ADPRHL1: variants seen among roughly 807,000 people sequenced by gnomAD.
ADPRHL1 encodes the protein inactive ADP-ribosyltransferase ARH2.
ADPRHL1 carries 43 observed loss-of-function variants against 44.1 expected under a neutral mutation model. The ratio of observed to expected loss-of-function variants is 0.98; its 90% CI spans 0.76 to 1.26. ADPRHL1 has a LOEUF of 1.26. Ranked by LOEUF, ADPRHL1 falls within the 50% of genes most tolerant of loss-of-function variation. ADPRHL1 has a pLI of 0.00. For missense variants in ADPRHL1, 2,022 were observed against 2,496.9 expected (o/e 0.81, Z 4.05); for synonymous variants, 878 against 1,017.4 (o/e 0.86, Z 2.61).
intron 7 of ADPRHL1, among the ~76,000 whole-genome samples, chr13:113,421,584 C>A (rs938268858): frequency 5.9e-5 from 9 of 152,250 alleles, no homozygotes; most frequent in South Asian, 4.1e-4. Flanking sequence ...AAGTGGTTGG[C>A]GGGGCTGGCC....
chr13:113,423,530 A>T (rs1048586668), intron 6 of ADPRHL1, among the ~76,000 whole-genome samples: 1 of 152,194 alleles, frequency 6.6e-6, no homozygotes, highest in Non-Finnish European at 1.5e-5. Context: ...TTCCCAGCTC[A>T]TGTCTGTGGT....
At chr13:113,433,676 A>C in intron 3 of ADPRHL1, 66 bp downstream of exon 3, 3 of 1,379,734 alleles carry the variant, frequency 2.2e-6, no homozygotes, top group Non-Finnish European at 9.6e-7. Flanking sequence ...TTAACCTGTG[A>C]GGTGGTTGTG....
chr13:113,424,499 G>T, intron 5 of ADPRHL1, 150 bp from the exon 6 acceptor site: 1 of 1,101,708 alleles, frequency 9.1e-7, no homozygotes, highest in Non-Finnish European at 1.3e-6. Flanking sequence ...CTGTCCCCCA[G>T]GTTGGAGTGC....
At position 113,409,875 on chromosome 13, in the gene ADPRHL1, C is replaced by T. The variant is rs370804433; in HGVS notation, c.1062-1655G>A. 2,921 of 898,864 alleles carry T rather than the reference C, an allele frequency of 3.2e-3. 20 individuals are homozygous for T. In the South Asian group the frequency reaches 0.037, roughly 11 times the overall value. 55.7% of individuals were successfully genotyped at this position (898,864 alleles called of 1,614,324 possible). On this transcript the variant is annotated intron_variant, in intron 7 of 7. Coordinates refer to ENST00000612156, the MANE Select transcript of ADPRHL1 (RefSeq NM_001394807.1). This position sits in a 1 kb window ranked among gnomAD's most constrained non-coding sequence, Gnocchi z 4.2. ...CTGCACTCCAGCCTGAGCGACAGAG[C>T]GAGACTCCGTCTCAAAAAAAAAAAA... is the stretch of plus-strand genomic sequence containing the variant.
chr13:113,449,958 A>G (rs770483172), intron 1 of ADPRHL1, among the ~76,000 whole-genome samples: 1 of 152,126 alleles, frequency 6.6e-6, no homozygotes. Flanking sequence ...CTGTATGTCA[A>G]TTTTTTCTCC....
chr13:113,429,558 T>C (rs1186874319), intron 3 of ADPRHL1, among the ~76,000 whole-genome samples: 1 of 152,264 alleles, frequency 6.6e-6, no homozygotes. Context: ...TTGCCCGTCA[T>C]CTGTGTGTGG....
In ADPRHL1 at chr13:113,412,695, C is replaced by T. The variant is rs112934265; in HGVS notation, c.1062-4475G>A. On this transcript the variant is annotated intron_variant, in intron 7 of 7. Transcript: ENST00000612156. ...CCCCGTGGAGGCTCGGTTCACCCAC[C>T]GCCAACAGTGCCCCGGAGGCTCAGT... Among the ~76,000 whole-genome samples the T allele has an allele frequency of 4.6e-3, 698 of 151,210 alleles. 7 individuals carry two copies. Among genetic ancestry groups the T allele is most frequent in the African/African-American group, 0.016 (657 of 41,140 alleles).
intron 2 of ADPRHL1, among the ~76,000 whole-genome samples, chr13:113,435,110 G>A (rs2044040921): frequency 7.4e-6 from 1 of 134,696 alleles, no homozygotes; most frequent in Non-Finnish European, 1.6e-5. Context: ...GCACCCAGGT[G>A]TAGAGTGAAC....
In ADPRHL1 at chr13:113,444,526, T is replaced by C; in HGVS notation, c.278A>G (p.Lys93Arg). 2 of 1,614,214 alleles carry C rather than the reference T, an allele frequency of 1.2e-6. No individual in the cohort carries two copies. Among genetic ancestry groups the C allele is most frequent in the East Asian group, 2.2e-5 (1 of 44,890 alleles). The change falls in exon 2 of 8, where the codon AAG becomes AGG. Residue 93 changes from lysine to arginine, a missense_variant. Transcript: ENST00000612156. Reference protein sequence around the residue: ...MVRCYVEIVEKLPERRPDPAT... With the variant: ...MVRCYVEIVERLPERRPDPAT... ...TGGGTCTGGCCGGCGTTCTGGAAGCTTCTCAACGATTTCCACATAGCATCT... is the reference window on the plus strand; with the variant it reads ...TGGGTCTGGCCGGCGTTCTGGAAGCCTCTCAACGATTTCCACATAGCATCT...
chr13:113,423,636 G>T (rs1308881374), intron 6 of ADPRHL1, among the ~76,000 whole-genome samples: 1 of 152,244 alleles, frequency 6.6e-6, no homozygotes, highest in Admixed American at 6.5e-5. Flanking sequence ...TTGACCTTAC[G>T]GGTAGGAGCT....
At chr13:113,424,828 CTGT>C (rs2043955581) in intron 5 of ADPRHL1, among the ~76,000 whole-genome samples, 2 of 121,174 alleles carry the variant, frequency 1.7e-5, no homozygotes, top group Non-Finnish European at 3.5e-5. Context: ...ATCCATTCAC[CTGT>C]CCACCCATCC....
At chr13:113,410,848 G>A (rs564547292) in intron 7 of ADPRHL1, among the ~76,000 whole-genome samples, 13 of 152,342 alleles carry the variant, frequency 8.5e-5, no homozygotes, top group African/African-American at 2.9e-4. Flanking sequence ...AAGGGTCAGC[G>A]GCCCTACCTG....
chr13:113,418,321 T>C (rs2043897297), intron 7 of ADPRHL1, among the ~76,000 whole-genome samples: 1 of 152,170 alleles, frequency 6.6e-6, no homozygotes, highest in Admixed American at 6.5e-5. Context: ...TGCAGCAGCA[T>C]GGTTCTCGGT....
intron 7 of ADPRHL1, among the ~76,000 whole-genome samples, chr13:113,414,388 C>G (rs1032036304): frequency 1.3e-4 from 19 of 151,532 alleles, no homozygotes; most frequent in South Asian, 4.2e-4. Context: ...GCCGCCCCCC[C>G]TTCCTCCCCT....
intron 1 of ADPRHL1, among the ~76,000 whole-genome samples, chr13:113,445,969 A>AGAGCACGCGC (rs2044133683): frequency 6.6e-6 from 1 of 151,310 alleles, no homozygotes; most frequent in African/African-American, 2.4e-5. Context: ...ACCCCTGGAG[A>AGAGCACGCGC]GAGTGCACAG....
At chr13:113,444,393 G>A in intron 2 of ADPRHL1, 32 bp downstream of exon 2, 1 of 1,607,390 alleles carries the variant, frequency 6.2e-7, no homozygotes, top group Non-Finnish European at 8.5e-7. Context: ...CAGCAGGGTG[G>A]CTTTAGGGGG....
intron 7 of ADPRHL1, among the ~76,000 whole-genome samples, chr13:113,416,112 T>C (rs113516301): frequency 4.6e-5 from 7 of 151,496 alleles, no homozygotes; most frequent in African/African-American, 1.5e-4. Context: ...GGTCACCGTC[T>C]ATCTAGTAAA....
intron 7 of ADPRHL1, among the ~76,000 whole-genome samples, chr13:113,413,493 G>A (rs918476797): frequency 2.0e-5 from 3 of 152,212 alleles, no homozygotes; most frequent in African/African-American, 4.8e-5. Context: ...CAGGACTTTC[G>A]GCGACTCCCG....
chr13:113,421,753 C>T (rs183693160), intron 7 of ADPRHL1, among the ~76,000 whole-genome samples: 210 of 152,336 alleles, frequency 1.4e-3, no homozygotes, highest in Middle Eastern at 6.8e-3. Flanking sequence ...TAGAAGAAGA[C>T]GCCCGTGGGG....
Sources: gnomAD v4.1 joint callset for allele counts (sites outside exome capture counted in the v4.1 genomes callset) on GRCh38, gnomAD v4.1.1 for gene constraint, Gnocchi (gnomAD v3.1) non-coding constraint, MANE v1.5 for transcripts, NCBI Gene and HGNC (gene_info 2026-07-23, HGNC 2026-07-21) for gene names.